The following EXT1 variants were observed in gnomAD, a reference collection of about 807,000 sequenced individuals.
EXT1 encodes exostosin glycosyltransferase 1.
EXT1 carries 20 observed loss-of-function variants against 82.5 expected under a neutral mutation model. The observed-to-expected ratio is 0.24, with a 90% CI of 0.17 to 0.35. The LOEUF (loss-of-function observed/expected upper bound fraction) is 0.35. Ranked by LOEUF, EXT1 falls within the 10% of genes least tolerant of loss-of-function variation. The pLI is 1.00. For synonymous variants in EXT1, 348 were observed against 350.8 expected (o/e 0.99, Z 0.09); for missense variants, 757 against 936.5 (o/e 0.81, Z 2.50).
chr8:118,053,922 T>C (rs977264591), intron 1 of EXT1, among the ~76,000 whole-genome samples: 2 of 152,180 alleles, frequency 1.3e-5, no homozygotes, highest in African/African-American at 2.4e-5. Context: ...CTTAGTCTAA[T>C]TACTAAAGCA....
chr8:117,915,474 T>C (rs984749800), intron 1 of EXT1, among the ~76,000 whole-genome samples: 2 of 152,158 alleles, frequency 1.3e-5, no homozygotes, highest in African/African-American at 4.8e-5. Flanking sequence ...CTCCTACTGA[T>C]AGAAATTTAA....
At position 117,983,814 on chromosome 8, in the gene EXT1, T is replaced by TG. The variant is rs1272689535; in HGVS notation, c.962+126270dup. On this transcript the variant is annotated intron_variant, in intron 1 of 10. Transcript: ENST00000378204. ...TAAGCAGAGGCAGCGTTCTTAGGTATGATGACACATCCTACCTGGTCCTCC... is the reference window on the plus strand; with the variant it reads ...TAAGCAGAGGCAGCGTTCTTAGGTATGGATGACACATCCTACCTGGTCCTCC... Among the ~76,000 whole-genome samples the TG allele has an allele frequency of 2.0e-5, 3 of 152,246 alleles. No homozygotes were observed. The East Asian group carries it at 5.8e-4, about 29-fold the overall frequency.
At chr8:118,017,698 A>G (rs1166819666) in intron 1 of EXT1, among the ~76,000 whole-genome samples, 1 of 152,226 alleles carries the variant, frequency 6.6e-6, no homozygotes, top group Non-Finnish European at 1.5e-5. Flanking sequence ...TATCAAAGCA[A>G]CTCAAATCTG....
rs1227116781 is a variant in EXT1, at chr8:118,091,684, G to A, written c.962+18401C>T. On this transcript the variant is annotated intron_variant, in intron 1 of 10. Transcript: ENST00000378204. Reference sequence around the variant, plus strand: ...GATGTGAACCTGGGAAGCGGAGCTTGCAATGAGCCAAGATCGCACCATTGC... The same window carrying A: ...GATGTGAACCTGGGAAGCGGAGCTTACAATGAGCCAAGATCGCACCATTGC... Among the ~76,000 whole-genome samples the A allele has an allele frequency of 3.9e-5, 6 of 152,280 alleles. No homozygotes were observed. The East Asian group carries it at 1.2e-3, about 29-fold the overall frequency.
intron 4 of EXT1, among the ~76,000 whole-genome samples, chr8:117,828,305 A>G (rs1035437432): frequency 6.6e-6 from 1 of 152,106 alleles, no homozygotes; most frequent in Admixed American, 6.6e-5. Context: ...AATCCCACCA[A>G]TTTGGGTAGT....
intron 1 of EXT1, among the ~76,000 whole-genome samples, chr8:117,941,213 T>G (rs1814266196): frequency 6.6e-6 from 1 of 152,226 alleles, no homozygotes; most frequent in African/African-American, 2.4e-5. Context: ...GATTGTCATG[T>G]GCAGGCAATC....
chr8:117,981,818 C>T (rs1032733507), intron 1 of EXT1, among the ~76,000 whole-genome samples: 2 of 151,484 alleles, frequency 1.3e-5, no homozygotes, highest in African/African-American at 2.4e-5. Context: ...GCGGAGGTTG[C>T]GGTGGGCTGA....
At chr8:118,066,335 T>G (rs1439624487) in intron 1 of EXT1, among the ~76,000 whole-genome samples, 3 of 112,604 alleles carry the variant, frequency 2.7e-5, no homozygotes, top group Non-Finnish European at 5.0e-5. Context: ...TCTCTAGCTT[T>G]ATTTATTTAT....
chr8:118,011,333 GC>G (rs1369139247), intron 1 of EXT1, among the ~76,000 whole-genome samples: 2 of 152,208 alleles, frequency 1.3e-5, no homozygotes, highest in Non-Finnish European at 2.9e-5. Flanking sequence ...CTTAAAGTGA[GC>G]CTGGAACGTA....
In EXT1 at chr8:117,942,440, G is replaced by A. The variant is rs17479838; in HGVS notation, c.963-105239C>T. 2.0e-3 allele frequency among the ~76,000 whole-genome samples: 300 copies of A among 152,222 alleles called. 7 individuals are homozygous for A. In the East Asian group the frequency reaches 0.046, roughly 23 times the overall value. On this transcript the variant is annotated intron_variant, in intron 1 of 10. Transcript: ENST00000378204. ...GAAAATTATACTCAAGGACGGGTGC[G>A]GTGGCTCATGCCTATAAACCTAGGA...
rs560038828 is a variant in EXT1, at chr8:117,980,580, T to C, written c.962+129505A>G. ...CCAACTTAATATATGGAAATCCCAC[T>C]CGGAAAGTTTGCAGAAGAACAACTA... On this transcript the variant is annotated intron_variant, in intron 1 of 10. Coordinates refer to ENST00000378204, the MANE Select transcript of EXT1 (RefSeq NM_000127.3). Among the ~76,000 whole-genome samples the C allele has an allele frequency of 4.6e-5, 7 of 152,214 alleles. No individual in the cohort carries two copies. In the East Asian group the frequency reaches 1.4e-3, roughly 29 times the overall value.
chr8:118,010,335 G>A (rs1272348375), intron 1 of EXT1, among the ~76,000 whole-genome samples: 1 of 142,040 alleles, frequency 7.0e-6, no homozygotes, highest in Non-Finnish European at 1.5e-5. Flanking sequence ...TTGCGCCACT[G>A]CACTCCAGCC....
chr8:117,845,567 A>T (rs907259675), intron 1 of EXT1, among the ~76,000 whole-genome samples: 6 of 136,382 alleles, frequency 4.4e-5, no homozygotes, highest in South Asian at 2.5e-4. Context: ...AAAAAAAAAA[A>T]ATAAATAAAA....
At chr8:118,098,499 G>A (rs1817659256) in intron 1 of EXT1, among the ~76,000 whole-genome samples, 1 of 152,040 alleles carries the variant, frequency 6.6e-6, no homozygotes, top group African/African-American at 2.4e-5. Flanking sequence ...GCTCATACCT[G>A]TAATCCCAGC....
At chr8:118,074,872 G>A (rs1384485627) in intron 1 of EXT1, among the ~76,000 whole-genome samples, 1 of 152,178 alleles carries the variant, frequency 6.6e-6, no homozygotes, top group Non-Finnish European at 1.5e-5. Context: ...AGCTTGCTCT[G>A]GGCAAATTGG....
At chr8:117,853,862 C>T (rs926708157) in intron 1 of EXT1, among the ~76,000 whole-genome samples, 3 of 152,224 alleles carry the variant, frequency 2.0e-5, no homozygotes, top group African/African-American at 4.8e-5. Context: ...TTTGTCCTAA[C>T]ATTGAGCATC....
intron 1 of EXT1, among the ~76,000 whole-genome samples, chr8:117,954,595 C>T (rs568883356): frequency 2.6e-5 from 4 of 152,288 alleles, no homozygotes; most frequent in South Asian, 2.1e-4. Flanking sequence ...TTCAAACCAG[C>T]CTATATTTGG....
At chr8:118,045,551 A>C (rs1017971039) in intron 1 of EXT1, among the ~76,000 whole-genome samples, 1 of 152,148 alleles carries the variant, frequency 6.6e-6, no homozygotes, top group Non-Finnish European at 1.5e-5. Context: ...TGAAGGCTGC[A>C]ATATAACTTT....
intron 1 of EXT1, among the ~76,000 whole-genome samples, chr8:118,029,897 TC>T (rs2129875733): frequency 6.6e-6 from 1 of 152,340 alleles, no homozygotes; most frequent in Non-Finnish European, 1.5e-5. Context: ...TTTGCTTTCC[TC>T]AAGGTTAAAT....
Sources: gnomAD v4.1 joint callset for allele counts (sites outside exome capture counted in the v4.1 genomes callset) on GRCh38, gnomAD v4.1.1 for gene constraint, MANE v1.5 for transcripts, NCBI Gene and HGNC (gene_info 2026-07-23, HGNC 2026-07-21) for gene names.